Variants in LRPAP1 observed in about 807,000 individuals in gnomAD.
The protein encoded by LRPAP1 is LDL receptor related protein associated protein 1, also known as alpha-2-macroglobulin receptor-associated protein.
A neutral mutation model predicts 39.9 loss-of-function variants in LRPAP1; 41 were observed. That is an observed-to-expected ratio of 1.03 (90% confidence interval 0.80 to 1.33). The LOEUF (loss-of-function observed/expected upper bound fraction) is 1.33, where lower values mean the gene tolerates loss of function less well. LRPAP1 is among the 40% of genes most tolerant of loss of function. The pLI, the probability that LRPAP1 is intolerant of heterozygous loss-of-function variation, is 0.00. For missense variants in LRPAP1, 565 were observed against 482.3 expected (o/e 1.17, Z -1.61); for synonymous variants, 263 against 212.7 (o/e 1.24, Z -2.06).
chr4:3,522,632 CG>C (rs750169940), intron 2 of LRPAP1, among the ~76,000 whole-genome samples: 12,315 of 135,594 alleles, frequency 0.091, 1,403 homozygotes, highest in Middle Eastern at 0.12. Flanking sequence ...GGACAGACGC[CG>C]CCCCACACCC....
Position 3,509,145 on chromosome 4 carries a change from C to G in LRPAP1, c.*3829G>C, listed in dbSNP as rs1223925145. The G allele has an allele frequency of 1.3e-5, 2 of 152,442 alleles. No homozygotes were observed. The highest frequency in any genetic ancestry group is 1.3e-4 in the Admixed American group (2 of 15,304). 9.4% of individuals were successfully genotyped at this position (152,442 alleles called of 1,614,324 possible). On this transcript the variant is annotated 3_prime_UTR_variant, in exon 8 of 8. Coordinates refer to ENST00000650182, the MANE Select transcript of LRPAP1 (RefSeq NM_002337.4). Reference sequence around the variant, plus strand: ...ATGCCAGACACATGCACAGAAAACTCCAGTTCATTGTTGGGAGAAGTTGAA... The same window carrying G: ...ATGCCAGACACATGCACAGAAAACTGCAGTTCATTGTTGGGAGAAGTTGAA...
intron 5 of LRPAP1, 76 bp downstream of exon 5, chr4:3,517,958 C>T (rs372715665): frequency 6.6e-7 from 1 of 1,509,954 alleles, no homozygotes; most frequent in Non-Finnish European, 8.9e-7. Context: ...GCTACAAGCA[C>T]CTGCCTGCTT....
chr4:3,525,459 A>T (rs1022394798), intron 1 of LRPAP1, among the ~76,000 whole-genome samples: 2 of 61,044 alleles, frequency 3.3e-5, no homozygotes, highest in East Asian at 2.1e-3. Context: ...GTTCTTTTTT[A>T]AAAAAAATCA....
At chr4:3,514,128 C>A (rs1450164007) in intron 7 of LRPAP1, among the ~76,000 whole-genome samples, 1 of 152,272 alleles carries the variant, frequency 6.6e-6, no homozygotes, top group Admixed American at 6.5e-5. Context: ...TGCTCTCCTG[C>A]ACATTCTGCC....
chr4:3,522,781 TG>T (rs1021890324), intron 2 of LRPAP1, among the ~76,000 whole-genome samples: 1 of 151,568 alleles, frequency 6.6e-6, no homozygotes, highest in African/African-American at 2.4e-5. Context: ...GGGGGCGCGG[TG>T]GGGGTGAGGA....
intron 1 of LRPAP1, among the ~76,000 whole-genome samples, chr4:3,526,737 A>T (rs1006598794): frequency 6.6e-6 from 1 of 152,134 alleles, no homozygotes; most frequent in African/African-American, 2.4e-5. Context: ...CTGTATCTAG[A>T]CTGAGCCCAT....
At chr4:3,515,695 A>G (rs1056413256) in intron 6 of LRPAP1, among the ~76,000 whole-genome samples, 2 of 151,958 alleles carry the variant, frequency 1.3e-5, no homozygotes, top group Admixed American at 6.6e-5. Flanking sequence ...GGCACTCCAC[A>G]CGCCCCAGGA....
chr4:3,516,145 G>A lies in LRPAP1; in HGVS notation c.805C>T (p.Leu269Phe), dbSNP rs763387331. The part of the protein sequence containing the change: ...DLWDLAQSAN[L>F]TDKELEAFRE... ...AACGCCTCCAGCTCCTTGTCCGTGA[G>A]GTTGGCGGACTGCGCCAGGTCCCAC... The change falls in exon 6 of 8, where the codon CTC becomes TTC. Residue 269 changes from leucine (L) to phenylalanine (F), a missense_variant. Leu to Phe is a conservative substitution (Grantham distance 22). Transcript: ENST00000650182. 2.2e-4 allele frequency: 355 copies of A among 1,582,288 alleles called. No homozygotes were observed. The highest frequency in any genetic ancestry group is 2.7e-4 in the Non-Finnish European group (316 of 1,164,626).
chr4:3,517,721 G>C lies in LRPAP1; in HGVS notation c.751+313C>G, dbSNP rs1388427718. 2.6e-5 allele frequency: 7 copies of C among 269,088 alleles called. No individual in the cohort carries two copies. In the East Asian group the frequency reaches 3.9e-4, roughly 15 times the overall value. 16.7% of individuals were successfully genotyped at this position (269,088 alleles called of 1,614,324 possible). A position where few individuals can be genotyped will look rare whatever the true frequency, so the allele number is the denominator to read the frequency against. ...GTTTGACGAGTGGTCTCTGTTCTTG[G>C]CCAACAGCAGCACGGGAGGGGCCGT... On this transcript the variant is annotated intron_variant, in intron 5 of 7. Coordinates refer to ENST00000650182, the MANE Select transcript of LRPAP1 (RefSeq NM_002337.4).
In LRPAP1 at chr4:3,521,033, G is replaced by A. The variant is rs191333903; in HGVS notation, c.350-840C>T. 7.6e-4 allele frequency among the ~76,000 whole-genome samples: 116 copies of A among 152,338 alleles called. 1 individual carries two copies. The highest frequency in any genetic ancestry group is 2.6e-3 in the African/African-American group (110 of 41,586). On this transcript the variant is annotated intron_variant, in intron 2 of 7. Coordinates refer to ENST00000650182, the MANE Select transcript of LRPAP1 (RefSeq NM_002337.4). ...CCTGGGGGCTGGCCTCGCCCTCCACGGCAGTAGCTCTCCCCAGGCCCCAAT... is the reference window on the plus strand; with the variant it reads ...CCTGGGGGCTGGCCTCGCCCTCCACAGCAGTAGCTCTCCCCAGGCCCCAAT...
At chr4:3,518,824 A>T (rs1374689741) in intron 4 of LRPAP1, 47 bp downstream of exon 4, 8 of 777,124 alleles carry the variant, frequency 1.0e-5, no homozygotes, top group Non-Finnish European at 1.3e-5. Flanking sequence ...GGTGGGGGGC[A>T]GGAGGGGGTG....
At chr4:3,516,334 T>C in intron 5 of LRPAP1, 136 bp from the exon 6 acceptor site, 2 of 525,542 alleles carry the variant, frequency 3.8e-6, no homozygotes, top group East Asian at 1.0e-4. Context: ...GAAACACGGG[T>C]GCGTGCACTC....
intron 1 of LRPAP1, among the ~76,000 whole-genome samples, chr4:3,529,044 G>C (rs1167022125): frequency 6.6e-6 from 1 of 152,124 alleles, no homozygotes; most frequent in African/African-American, 2.4e-5. Context: ...TCTGCGTGCG[G>C]TGCCTCCTGG....
Position 3,518,121 on chromosome 4 carries a change from T to A in LRPAP1, c.664A>T (p.Thr222Ser), listed in dbSNP as rs533591282. 5.6e-6 allele frequency: 9 copies of A among 1,613,660 alleles called. No homozygotes were observed. The highest frequency in any genetic ancestry group is 7.6e-6 in the Non-Finnish European group (9 of 1,179,982). The change falls in exon 5 of 8, where the codon ACG (threonine) becomes TCG (serine). Residue 222 changes from threonine (T) to serine (S), a missense_variant. Physicochemically the swap from Thr to Ser is moderately conservative, Grantham distance 58 (BLOSUM62 1). Transcript: ENST00000650182. Reference sequence around the variant, plus strand: ...CTGCGCAGCTTCTCCTTCAGCTCCGTGTGCCTGCTGTGCAGGACGCTGCCC... The same window carrying A: ...CTGCGCAGCTTCTCCTTCAGCTCCGAGTGCCTGCTGTGCAGGACGCTGCCC... The part of the protein sequence containing the change: ...IKGSVLHSRH[T>S]ELKEKLRSIN...
intron 3 of LRPAP1, 102 bp downstream of exon 3, chr4:3,519,970 C>A: frequency 7.0e-7 from 1 of 1,424,486 alleles, no homozygotes; most frequent in South Asian, 1.4e-5. Context: ...TTTCCCAAAC[C>A]CCGGCTCCCA....
At chr4:3,531,492 C>G (rs1741543) in intron 1 of LRPAP1, among the ~76,000 whole-genome samples, 22,432 of 152,180 alleles carry the variant, frequency 0.15, 1,923 homozygotes, top group East Asian at 0.28. Flanking sequence ...GAACACCTAA[C>G]AAATGAAGCA....
At chr4:3,518,359 C>A (rs976547994) in intron 4 of LRPAP1, among the ~76,000 whole-genome samples, 167 bp from the exon 5 acceptor site, 1 of 138,024 alleles carries the variant, frequency 7.2e-6, no homozygotes, top group African/African-American at 2.7e-5. Context: ...ACCGTTGGCA[C>A]AGCTTCCTTT....
At chr4:3,517,325 C>T (rs1314027624) in intron 5 of LRPAP1, among the ~76,000 whole-genome samples, 3 of 152,268 alleles carry the variant, frequency 2.0e-5, no homozygotes, top group Non-Finnish European at 4.4e-5. Context: ...GCACCGGGGA[C>T]AGAGACCAGC....
At chr4:3,529,689 CT>C (rs746514898) in intron 1 of LRPAP1, among the ~76,000 whole-genome samples, 41 of 152,140 alleles carry the variant, frequency 2.7e-4, no homozygotes, top group Admixed American at 1.8e-3. Context: ...CAGCACCCCC[CT>C]GGCCGGGTCT....
Sources: allele counts gnomAD v4.1 joint callset (sites outside exome capture counted in the v4.1 genomes callset), GRCh38; gene constraint gnomAD v4.1.1; transcripts MANE v1.5; gene names NCBI Gene and HGNC (gene_info 2026-07-23, HGNC 2026-07-21).